The following INAVA variants were observed in gnomAD, a reference collection of about 807,000 sequenced individuals.
INAVA encodes innate immunity activator.
In INAVA, 32 loss-of-function variants were observed where a neutral mutation model predicts 55.3. That is an observed-to-expected ratio of 0.58 (90% CI 0.44 to 0.78). The LOEUF is 0.78. Ranked by LOEUF, INAVA falls within the 30% of genes least tolerant of loss-of-function variation. The probability of loss-of-function intolerance (pLI) is 0.00; values close to 1 mark genes in which losing one functional copy is unlikely to be tolerated. For synonymous variants in INAVA, 294 were observed against 329.4 expected (o/e 0.89, Z 1.16); for missense variants, 756 against 786.4 (o/e 0.96, Z 0.46).
At chr1:200,894,645 G>A (rs1437114848), upstream of INAVA, among the ~76,000 whole-genome samples, 3 of 152,288 alleles carry the variant, frequency 2.0e-5, no homozygotes, top group East Asian at 3.9e-4. Context: ...AGGAGGGCAC[G>A]CAGGTACCTC....
chr1:200,896,293 T>A (rs1668349983), intron 1 of INAVA, among the ~76,000 whole-genome samples: 1 of 147,848 alleles, frequency 6.8e-6, no homozygotes, highest in South Asian at 2.2e-4. Context: ...GAGACCACCT[T>A]GCTTCCTACC....
At position 200,899,368 on chromosome 1, in the gene INAVA, T is replaced by G; in HGVS notation, c.56-105T>G. 4 of 650,946 alleles carry G rather than the reference T, an allele frequency of 6.1e-6. No individual in the cohort carries two copies. In the South Asian group the frequency reaches 8.1e-5, roughly 13 times the overall value. The allele number at this position is 650,946 out of a possible 1,614,324, so 40.3% of individuals were successfully genotyped here. On this transcript the variant is annotated intron_variant, in intron 2 of 9. Transcript: ENST00000413687. ...TGGGCAGGCATGAGATGTGTGTGTG[T>G]GTGTGCATGTGTGTGCATGTGCATT...
intron 8 of INAVA, among the ~76,000 whole-genome samples, chr1:200,911,238 T>G (rs936468960): frequency 2.0e-5 from 3 of 151,996 alleles, no homozygotes; most frequent in African/African-American, 4.8e-5. Context: ...CAGGAACACT[T>G]TTGCACACAG....
In INAVA at chr1:200,913,980, C is replaced by T; in HGVS notation, c.*351C>T. ...GAGCCACCTTGGGAGTTCTCCAACG[C>T]TCTGTGCTCTGGTTCTAAGAAATTC... On this transcript the variant is annotated 3_prime_UTR_variant, in exon 10 of 10. Transcript: ENST00000413687. 5.4e-6 allele frequency: 1 copy of T among 186,490 alleles called. No homozygotes were observed. The highest frequency in any genetic ancestry group is 9.4e-5 in the South Asian group (1 of 10,608). The allele number at this position is 186,490 out of a possible 1,614,324, so 11.6% of individuals were successfully genotyped here. A position where few individuals can be genotyped will look rare whatever the true frequency, so the allele number is the denominator to read the frequency against.
intron 5 of INAVA, among the ~76,000 whole-genome samples, chr1:200,901,894 TCCA>T (rs1245843395): frequency 6.6e-6 from 1 of 152,188 alleles, no homozygotes; most frequent in African/African-American, 2.4e-5. Flanking sequence ...CATCAGTGTG[TCCA>T]CCACAGGTTA....
In INAVA at chr1:200,909,282, C is replaced by A; in HGVS notation, c.844C>A (p.Pro282Thr). The A allele has an allele frequency of 6.2e-7, 1 of 1,610,604 alleles. No homozygotes were observed. Residue 282 changes from proline (P) to threonine (T), a missense_variant, in exon 8 of 10, where the codon CCT (proline) becomes ACT (threonine). Transcript: ENST00000413687. ...PSASSLWLLE[P>T]ASYHVVPIRG... ...TGCCTCCAGCCTGTGGCTTCTGGAG[C>A]CTGCCTCCTACCACGTGGTTCCCAT... is the stretch of plus-strand genomic sequence containing the variant.
At chr1:200,896,451 A>G (rs894527782) in intron 1 of INAVA, among the ~76,000 whole-genome samples, 2 of 152,236 alleles carry the variant, frequency 1.3e-5, no homozygotes, top group African/African-American at 4.8e-5. Context: ...GTGCAGAGCT[A>G]ATAGTCATCC....
rs1653910025 is a variant in INAVA, at chr1:200,915,659, T to C, written c.*2030T>C. The C allele has an allele frequency of 6.6e-6, 1 of 152,174 alleles. No homozygotes were observed. 9.4% of individuals were successfully genotyped at this position (152,174 alleles called of 1,614,324 possible). ...CTGGTGCCATTGCCAAGTGGCTGTG[T>C]CCTCAGCTACAGAGCTGGAATTGTG... On this transcript the variant is annotated 3_prime_UTR_variant, in exon 10 of 10. Coordinates refer to ENST00000413687, the MANE Select transcript of INAVA (RefSeq NM_001142569.3).
intron 1 of INAVA, among the ~76,000 whole-genome samples, chr1:200,897,796 A>G (rs1234470062): frequency 6.6e-6 from 1 of 152,020 alleles, no homozygotes; most frequent in African/African-American, 2.4e-5. Flanking sequence ...TGCCCAGCTA[A>G]GTTTCATTTT....
Position 200,908,932 on chromosome 1 carries a change from C to A in INAVA, c.777C>A (p.Ser259Arg), listed in dbSNP as rs144762034. The change falls in exon 7 of 10, where the codon AGC becomes AGA. Residue 259 changes from serine (S) to arginine (R), a missense_variant. This residue lies in a region of INAVA where 639 missense variants were observed against 624.3 expected (regional missense o/e 1.02). Coordinates refer to ENST00000413687, the MANE Select transcript of INAVA (RefSeq NM_001142569.3). ...CCAGGAAGTCTTCTGAGCCCTGGAG[C>A]GAGTCCAGGTCAGGATCAGGGGGAA... ...EKPRKSSEPW[S>R]ESSSPATTPQ... 1.2e-6 allele frequency: 2 copies of A among 1,612,192 alleles called. No individual in the cohort carries two copies. Among genetic ancestry groups the A allele is most frequent in the Admixed American group, 3.3e-5 (2 of 59,748 alleles).
At chr1:200,902,106 G>C (rs1653286966) in intron 5 of INAVA, among the ~76,000 whole-genome samples, 1 of 152,160 alleles carries the variant, frequency 6.6e-6, no homozygotes, top group Admixed American at 6.5e-5. Flanking sequence ...GAGGGAATGA[G>C]GCCGTGGCCC....
At chr1:200,910,197 A>G (rs542797085) in intron 8 of INAVA, among the ~76,000 whole-genome samples, 6 of 152,316 alleles carry the variant, frequency 3.9e-5, no homozygotes, top group African/African-American at 1.4e-4. Context: ...GAACTGAAAC[A>G]TGAGGGCAGA....
chr1:200,899,456 C>T lies in INAVA; in HGVS notation c.56-17C>T, dbSNP rs770360329. On this transcript the variant is annotated splice_polypyrimidine_tract_variant and intron_variant, in intron 2 of 9. Transcript: ENST00000413687. ...CATCTTCAGCCTCCCTGAGCATGTGCCCCCCAACCCTTGCAGGCCCCGACA... is the reference window on the plus strand; with the variant it reads ...CATCTTCAGCCTCCCTGAGCATGTGTCCCCCAACCCTTGCAGGCCCCGACA... The T allele has an allele frequency of 9.3e-6, 15 of 1,613,346 alleles. No homozygotes were observed. The Admixed American group carries it at 1.3e-4, about 14-fold the overall frequency.
chr1:200,908,692 C>G (rs1007963144), intron 6 of INAVA, 38 bp from the exon 7 acceptor site: 4 of 1,497,562 alleles, frequency 2.7e-6, no homozygotes, highest in East Asian at 4.7e-5. Context: ...CCGGTTCCCC[C>G]AGCCTCTGGC....
chr1:200,896,700 C>T (rs1668358649), intron 1 of INAVA, among the ~76,000 whole-genome samples: 1 of 152,226 alleles, frequency 6.6e-6, no homozygotes, highest in African/African-American at 2.4e-5. Context: ...TCTTGATCGT[C>T]CTGCTCTTAT....
At chr1:200,904,923 T>C (rs1319453134) in intron 5 of INAVA, among the ~76,000 whole-genome samples, 1 of 152,018 alleles carries the variant, frequency 6.6e-6, no homozygotes, top group Non-Finnish European at 1.5e-5. Context: ...ACAAAAAAAC[T>C]ATTTTAGAGA....
intron 5 of INAVA, among the ~76,000 whole-genome samples, chr1:200,902,393 C>T (rs1653296563): frequency 6.6e-6 from 1 of 152,244 alleles, no homozygotes; most frequent in Non-Finnish European, 1.5e-5. Flanking sequence ...CAGGTCACCT[C>T]CCGCAGCCAA....
chr1:200,895,199 CTA>C (rs1668318635), intron 1 of INAVA, 112 bp downstream of exon 1: 6 of 872,018 alleles, frequency 6.9e-6, no homozygotes, highest in African/African-American at 1.8e-5. Flanking sequence ...CCCCGCCAGC[CTA>C]TGTCTGGTGT....
Position 200,899,474 on chromosome 1 carries a change from C to T in INAVA, c.57C>T (p.Gly19=), listed in dbSNP as rs952977476. 6 of 1,613,904 alleles carry T rather than the reference C, an allele frequency of 3.7e-6. No homozygotes were observed. The change falls in exon 3 of 10, where the codon GGC becomes GGT. Residue 19 remains glycine, a splice_region_variant and synonymous_variant. Coordinates refer to ENST00000413687, the MANE Select transcript of INAVA (RefSeq NM_001142569.3). ...DTDSGIILQS[G]PDSPVSPMKE... is the part of the protein sequence containing the mutation. ...GCATGTGCCCCCCAACCCTTGCAGG[C>T]CCCGACAGCCCGGTCTCCCCAATGA...
Sources: gnomAD v4.1 joint callset for allele counts (sites outside exome capture counted in the v4.1 genomes callset) on GRCh38, gnomAD v4.1.1 for gene constraint, gnomAD v4.1.1 regional missense constraint, MANE v1.5 for transcripts, NCBI Gene and HGNC (gene_info 2026-07-23, HGNC 2026-07-21) for gene names.